Variants in TMEM132D observed in about 807,000 individuals in gnomAD.
The protein encoded by TMEM132D is mature OL transmembrane protein.
In TMEM132D, 21 loss-of-function variants were observed where a neutral mutation model predicts 62.3. The ratio of observed to expected loss-of-function variants is 0.34; its 90% CI spans 0.24 to 0.49. TMEM132D has a LOEUF of 0.49. Ranked by LOEUF, TMEM132D falls within the 20% of genes least tolerant of loss-of-function variation. TMEM132D has a pLI of 0.99. For synonymous variants in TMEM132D, 621 were observed against 575.6 expected (o/e 1.08, Z -1.13); for missense variants, 1,346 against 1,402.8 (o/e 0.96, Z 0.65).
chr12:129,732,099 C>T (rs369280583), intron 1 of TMEM132D, among the ~76,000 whole-genome samples: 13 of 152,136 alleles, frequency 8.5e-5, no homozygotes, highest in African/African-American at 2.7e-4. Context: ...TGCTGACCAA[C>T]TCCCAAGGCT....
intron 1 of TMEM132D, among the ~76,000 whole-genome samples, chr12:129,750,944 T>G (rs1472241107): frequency 6.6e-6 from 1 of 152,218 alleles, no homozygotes; most frequent in Non-Finnish European, 1.5e-5. Flanking sequence ...TATGTACAAT[T>G]ACTATGTGTC....
intron 3 of TMEM132D, among the ~76,000 whole-genome samples, chr12:129,445,748 C>G (rs918772041): frequency 2.0e-5 from 3 of 152,152 alleles, no homozygotes; most frequent in Admixed American, 2.0e-4. Flanking sequence ...CCCATAGTCA[C>G]AGTTCACAGT....
intron 1 of TMEM132D, among the ~76,000 whole-genome samples, chr12:129,800,549 A>G (rs1428272622): frequency 6.6e-6 from 1 of 152,138 alleles, no homozygotes; most frequent in Non-Finnish European, 1.5e-5. Context: ...AAAGGGGAGC[A>G]GTGGAGGCCA....
At chr12:129,789,665 CAT>C (rs1164849136) in intron 1 of TMEM132D, among the ~76,000 whole-genome samples, 1 of 152,176 alleles carries the variant, frequency 6.6e-6, no homozygotes, top group Non-Finnish European at 1.5e-5. Context: ...AAGTCTCTGA[CAT>C]GTGTCAAGCA....
intron 2 of TMEM132D, among the ~76,000 whole-genome samples, chr12:129,631,924 G>C (rs1393192040): frequency 6.6e-6 from 1 of 152,100 alleles, no homozygotes; most frequent in Non-Finnish European, 1.5e-5. Flanking sequence ...TACCACATAA[G>C]AGCCATATAA....
At chr12:129,089,098 G>T (rs1327520539) in intron 5 of TMEM132D, among the ~76,000 whole-genome samples, 1 of 51,024 alleles carries the variant, frequency 2.0e-5, no homozygotes, top group Non-Finnish European at 3.2e-5. Flanking sequence ...CATGACCGGG[G>T]TGTCCTCCAT....
At chr12:129,360,459 A>G (rs921789925) in intron 3 of TMEM132D, among the ~76,000 whole-genome samples, 1 of 152,200 alleles carries the variant, frequency 6.6e-6, no homozygotes, top group African/African-American at 2.4e-5. Context: ...GGAAAGCACC[A>G]GGTGGGGAGT....
At chr12:129,846,838 C>T (rs1284505115) in intron 1 of TMEM132D, among the ~76,000 whole-genome samples, 1 of 152,110 alleles carries the variant, frequency 6.6e-6, no homozygotes, top group South Asian at 2.1e-4. Flanking sequence ...CTAATCTTGT[C>T]ATGTTTCCTT....
chr12:129,630,194 T>C (rs767934106), intron 2 of TMEM132D, among the ~76,000 whole-genome samples: 1 of 152,222 alleles, frequency 6.6e-6, no homozygotes, highest in East Asian at 1.9e-4. Context: ...CACTTTCATT[T>C]ATAAGAGCTC....
intron 2 of TMEM132D, among the ~76,000 whole-genome samples, chr12:129,590,008 A>G (rs1402830173): frequency 6.6e-6 from 1 of 152,112 alleles, no homozygotes; most frequent in Non-Finnish European, 1.5e-5. Context: ...ATGTTCTATT[A>G]TGTTCTCTTT....
chr12:129,649,059 T>C (rs1361878620), intron 2 of TMEM132D, among the ~76,000 whole-genome samples: 1 of 152,068 alleles, frequency 6.6e-6, no homozygotes, highest in Non-Finnish European at 1.5e-5. Flanking sequence ...CTCACAATAA[T>C]CCTGCAAAGT....
At position 129,739,394 on chromosome 12, in the gene TMEM132D, A is replaced by G. The variant is rs941596034; in HGVS notation, c.80-38696T>C. On this transcript the variant is annotated intron_variant, in intron 1 of 8. Transcript: ENST00000422113. ...TGGAGGGAGCTGTGGCCAAAAAGACAGAGGAGACGTCAACTCTTGCCTGTG... is the reference window on the plus strand; with the variant it reads ...TGGAGGGAGCTGTGGCCAAAAAGACGGAGGAGACGTCAACTCTTGCCTGTG... 5.3e-5 allele frequency among the ~76,000 whole-genome samples: 8 copies of G among 152,178 alleles called. No homozygotes were observed. The East Asian group carries it at 1.2e-3, about 22-fold the overall frequency.
chr12:129,300,815 C>T (rs1881693045), intron 4 of TMEM132D, among the ~76,000 whole-genome samples: 1 of 152,082 alleles, frequency 6.6e-6, no homozygotes. Flanking sequence ...ATGATAGTTG[C>T]TGTTAGAAAT....
Position 129,337,441 on chromosome 12 carries a change from G to A in TMEM132D, c.1299+193C>T, listed in dbSNP as rs111364950. Among the ~76,000 whole-genome samples the A allele has an allele frequency of 2.2e-4, 33 of 148,228 alleles. No homozygotes were observed. The Middle Eastern group carries it at 0.01, about 46-fold the overall frequency. On this transcript the variant is annotated intron_variant, in intron 4 of 8. Coordinates refer to ENST00000422113, the MANE Select transcript of TMEM132D (RefSeq NM_133448.3). ...TAGATATAGATATAGATACACACAC[G>A]CACACACACACACACACACACACAC...
chr12:129,146,544 A>G (rs189728368), intron 5 of TMEM132D, among the ~76,000 whole-genome samples: 4 of 152,286 alleles, frequency 2.6e-5, no homozygotes, highest in African/African-American at 9.6e-5. Context: ...AGTAACAAAT[A>G]ATAGAAACTC....
chr12:129,605,333 A>T (rs1878586754), intron 2 of TMEM132D, among the ~76,000 whole-genome samples: 1 of 152,004 alleles, frequency 6.6e-6, no homozygotes. Context: ...AAAGATATAT[A>T]TACAAAACAC....
chr12:129,215,657 A>G (rs934024874), intron 4 of TMEM132D, among the ~76,000 whole-genome samples: 9 of 152,176 alleles, frequency 5.9e-5, no homozygotes, highest in Admixed American at 3.3e-4. Flanking sequence ...AGTGTAGTGA[A>G]CTATTAATAG....
chr12:129,650,880 T>C (rs1011560467), intron 2 of TMEM132D, among the ~76,000 whole-genome samples: 1 of 152,228 alleles, frequency 6.6e-6, no homozygotes, highest in Admixed American at 6.5e-5. Flanking sequence ...ATAAGACTAC[T>C]ACCTTATTTG....
intron 4 of TMEM132D, among the ~76,000 whole-genome samples, chr12:129,232,072 T>A (rs1159908172): frequency 6.6e-6 from 1 of 152,204 alleles, no homozygotes; most frequent in Non-Finnish European, 1.5e-5. Flanking sequence ...CTGGGGAGAT[T>A]AAACAACACT....
Sources: gnomAD v4.1 joint callset for allele counts (sites outside exome capture counted in the v4.1 genomes callset) on GRCh38, gnomAD v4.1.1 for gene constraint, MANE v1.5 for transcripts, NCBI Gene and HGNC (gene_info 2026-07-23, HGNC 2026-07-21) for gene names.